Variants in SLC4A10 observed in about 807,000 individuals in gnomAD.
SLC4A10 encodes the protein solute carrier family 4 member 10.
In SLC4A10, 42 loss-of-function variants were observed where a neutral mutation model predicts 137.7. The observed-to-expected ratio is 0.30, with a 90% confidence interval of 0.24 to 0.39. The LOEUF is 0.39. SLC4A10 is among the 10% of genes least tolerant of loss of function. SLC4A10 has a pLI of 1.00. For synonymous variants in SLC4A10, 474 were observed against 464.1 expected, an observed-to-expected ratio of 1.02 and a Z score of -0.27; for missense variants, 925 against 1,355.0, an observed-to-expected ratio of 0.68 and a Z score of 4.98.
intron 2 of SLC4A10, among the ~76,000 whole-genome samples, chr2:161,775,852 C>A (rs78102257): frequency 0.14 from 21,624 of 151,568 alleles, 2,099 homozygotes; most frequent in Non-Finnish European, 0.23. Context: ...ATTAATGAAG[C>A]AAGTTACTTA....
intron 15 of SLC4A10, among the ~76,000 whole-genome samples, chr2:161,913,781 C>T (rs1030774946): frequency 3.3e-5 from 5 of 152,154 alleles, no homozygotes; most frequent in Non-Finnish European, 5.9e-5. Flanking sequence ...AACTTCTTCT[C>T]ACCTGTTGGT....
intron 1 of SLC4A10, among the ~76,000 whole-genome samples, chr2:161,679,602 A>G (rs951044917): frequency 4.6e-5 from 7 of 151,878 alleles, no homozygotes; most frequent in Non-Finnish European, 7.4e-5. Flanking sequence ...CTCATATTGA[A>G]TCAATCACTA....
chr2:161,945,311 G>A (rs1373046350), intron 16 of SLC4A10, among the ~76,000 whole-genome samples: 1 of 148,090 alleles, frequency 6.8e-6, no homozygotes, highest in Non-Finnish European at 1.5e-5. Flanking sequence ...CAGTTAACCA[G>A]CATTTGGTGT....
intron 1 of SLC4A10, among the ~76,000 whole-genome samples, chr2:161,723,441 C>T (rs1442867942): frequency 1.3e-5 from 2 of 152,158 alleles, no homozygotes; most frequent in Non-Finnish European, 2.9e-5. Context: ...TGTTTTTGTT[C>T]TCTGTGACTT....
chr2:161,892,173 G>T (rs2062992682), intron 10 of SLC4A10, among the ~76,000 whole-genome samples: 1 of 151,980 alleles, frequency 6.6e-6, no homozygotes, highest in Non-Finnish European at 1.5e-5. Flanking sequence ...GGATGAATTT[G>T]GACATTCATC....
Position 161,976,799 on chromosome 2 carries a change from A to C in SLC4A10, c.3267A>C (p.Ser1089=), listed in dbSNP as rs758796639. 2.1e-5 allele frequency: 34 copies of C among 1,604,252 alleles called. No individual in the cohort carries two copies. Among genetic ancestry groups the C allele is most frequent in the Non-Finnish European group, 2.8e-5 (33 of 1,175,206 alleles). ...PSVINISDEM[S]KTALWRNLLI... ...TGATCAATATATCTGATGAAATGTC[A>C]AAGACTGCCTTGTGGAGGAACCTTC... The change falls in exon 25 of 27, where the codon TCA becomes TCC. Residue 1089 remains serine (S), a synonymous_variant. Coordinates refer to ENST00000446997, the MANE Select transcript of SLC4A10 (RefSeq NM_001178015.2).
At chr2:161,654,770 T>G (rs2037282118) in intron 1 of SLC4A10, among the ~76,000 whole-genome samples, 1 of 152,172 alleles carries the variant, frequency 6.6e-6, no homozygotes, top group African/African-American at 2.4e-5. Context: ...GCTATTTTAA[T>G]TATTGTAGAT....
Position 161,770,987 on chromosome 2 carries a change from A to G in SLC4A10, c.63A>G (p.Glu21=), listed in dbSNP as rs1303968797. 2.5e-6 allele frequency: 4 copies of G among 1,605,324 alleles called. No homozygotes were observed. The highest frequency in any genetic ancestry group is 2.6e-6 in the Non-Finnish European group (3 of 1,175,104). Residue 21 remains glutamate (E), a synonymous_variant, in exon 2 of 27, where the codon GAA becomes GAG. Coordinates refer to ENST00000446997, the MANE Select transcript of SLC4A10 (RefSeq NM_001178015.2). ...EPLLPTRNDE[E]AVVDRGGTRS... ...TCATTTAACAGAGAAATGATGAAGA[A>G]GCAGTTGTGGATAGAGGTGGAACTC...
In SLC4A10 at chr2:161,650,190, T is replaced by G. The variant is rs1318159917; in HGVS notation, c.48+25624T>G. Reference sequence around the variant, plus strand: ...CTTTGTTTTTCATGATCTTGATACTTTTGAATAGTACTGGTCAGATATGTT... The same window carrying G: ...CTTTGTTTTTCATGATCTTGATACTGTTGAATAGTACTGGTCAGATATGTT... On this transcript the variant is annotated intron_variant, in intron 1 of 26. Coordinates refer to ENST00000446997, the MANE Select transcript of SLC4A10 (RefSeq NM_001178015.2). Among the ~76,000 whole-genome samples, 176 of 152,376 alleles carry G rather than the reference T, an allele frequency of 1.2e-3. 2 individuals are homozygous for G. The South Asian group carries it at 0.02, about 17-fold the overall frequency.
chr2:161,881,946 C>T (rs2061820824), intron 9 of SLC4A10, among the ~76,000 whole-genome samples: 2 of 151,794 alleles, frequency 1.3e-5, no homozygotes, highest in South Asian at 4.2e-4. Flanking sequence ...TACTGTGTTA[C>T]CTTTGTCCCC....
intron 1 of SLC4A10, among the ~76,000 whole-genome samples, chr2:161,634,935 C>T (rs1442856076): frequency 6.6e-6 from 1 of 151,432 alleles, no homozygotes; most frequent in Non-Finnish European, 1.5e-5. Flanking sequence ...TTTTAAGATT[C>T]CATATATAAG....
chr2:161,806,082 A>G (rs1003371274), intron 3 of SLC4A10, among the ~76,000 whole-genome samples: 3 of 152,142 alleles, frequency 2.0e-5, no homozygotes, highest in African/African-American at 7.2e-5. Context: ...TCAACACCAC[A>G]TGGAAGCTGC....
chr2:161,686,521 G>A (rs181243704), intron 1 of SLC4A10, among the ~76,000 whole-genome samples: 8 of 152,116 alleles, frequency 5.3e-5, no homozygotes. Flanking sequence ...TGTATGTGGA[G>A]CATCAATTTC....
At chr2:161,945,097 G>A (rs1198942936) in intron 16 of SLC4A10, among the ~76,000 whole-genome samples, 1 of 148,228 alleles carries the variant, frequency 6.7e-6, no homozygotes, top group Non-Finnish European at 1.5e-5. Context: ...ACATTTGATA[G>A]AAGTACTTAA....
chr2:161,851,639 G>A (rs2125841658), intron 4 of SLC4A10, among the ~76,000 whole-genome samples: 1 of 152,184 alleles, frequency 6.6e-6, no homozygotes, highest in East Asian at 1.9e-4. Context: ...TTATCCAGAA[G>A]TAAATTTTAA....
intron 1 of SLC4A10, among the ~76,000 whole-genome samples, chr2:161,688,304 C>A (rs962088115): frequency 1.3e-5 from 2 of 152,090 alleles, no homozygotes; most frequent in Admixed American, 1.3e-4. Flanking sequence ...GACTTAATAA[C>A]CTCTTGCCAT....
chr2:161,679,704 T>TGTG (rs2040644473), intron 1 of SLC4A10, among the ~76,000 whole-genome samples: 1 of 151,062 alleles, frequency 6.6e-6, no homozygotes, highest in African/African-American at 2.4e-5. Flanking sequence ...TGTGTGTGTG[T>TGTG]GTGTGTGTGT....
intron 1 of SLC4A10, among the ~76,000 whole-genome samples, chr2:161,742,440 T>TG (rs2048000042): frequency 1.0e-5 from 1 of 96,326 alleles, no homozygotes; most frequent in East Asian, 2.8e-4. Context: ...TCTTTCTTTC[T>TG]TTTTTTTTTT....
At chr2:161,940,853 C>T (rs1692557514) in intron 15 of SLC4A10, among the ~76,000 whole-genome samples, 1 of 152,112 alleles carries the variant, frequency 6.6e-6, no homozygotes, top group Non-Finnish European at 1.5e-5. Flanking sequence ...CCTGTAATCC[C>T]AGCCCTTTGG....
Sources: gnomAD v4.1 joint callset for allele counts (sites outside exome capture counted in the v4.1 genomes callset) on GRCh38, gnomAD v4.1.1 for gene constraint, MANE v1.5 for transcripts, NCBI Gene and HGNC (gene_info 2026-07-23, HGNC 2026-07-21) for gene names.